Variants in MYO18A observed in about 807,000 individuals in gnomAD.
The protein encoded by MYO18A is unconventional myosin-XVIIIa.
Under a neutral mutation model 235.8 loss-of-function variants are expected in MYO18A, and 78 were observed. The ratio of observed to expected loss-of-function variants is 0.33; its 90% CI spans 0.28 to 0.40. The LOEUF (loss-of-function observed/expected upper bound fraction) is 0.40. MYO18A is among the 10% of genes least tolerant of loss of function. MYO18A has a pLI of 1.00. For missense variants in MYO18A, 2,215 were observed against 2,699.3 expected (o/e 0.82, Z 3.98); for synonymous variants, 977 against 1,077.8 (o/e 0.91, Z 1.83).
chr17:29,105,614 CAGA>C (rs2066765107), intron 20 of MYO18A, among the ~76,000 whole-genome samples: 1 of 151,906 alleles, frequency 6.6e-6, no homozygotes, highest in Non-Finnish European at 1.5e-5. Flanking sequence ...TTGCAGGAGG[CAGA>C]AGAAGCTGGA....
rs2067301777 is a variant in MYO18A at position 29,125,582 on chromosome 17, C to T, written c.1000-3329G>A. The stretch of plus-strand genomic sequence containing the variant: ...CACCAAAAATAGCGACAGCAACCTT[C>T]CTTACCACCCGCCAGGCCCTGACAC... On this transcript the variant is annotated intron_variant, in intron 2 of 41. Transcript: ENST00000527372. This position sits in a 1 kb window ranked among gnomAD's most constrained non-coding sequence, Gnocchi z 5.1. 6.6e-6 allele frequency among the ~76,000 whole-genome samples: 1 copy of T among 152,244 alleles called. No individual in the cohort carries two copies. Among genetic ancestry groups the T allele is most frequent in the Admixed American group, 6.5e-5 (1 of 15,294 alleles).
chr17:29,109,648 G>C lies in MYO18A; in HGVS notation c.3331+210C>G, dbSNP rs988357629. Among the ~76,000 whole-genome samples, 1 of 152,180 alleles carries C rather than the reference G, an allele frequency of 6.6e-6. No individual in the cohort carries two copies. The highest frequency in any genetic ancestry group is 6.5e-5 in the Admixed American group (1 of 15,278). ...GACAAAGAGAACTGAATATGGAAGG[G>C]AGAGGAGGAGGCGGGGACTCTGCAG... On this transcript the variant is annotated intron_variant, in intron 19 of 41. Coordinates refer to ENST00000527372, the MANE Select transcript of MYO18A (RefSeq NM_078471.4). This position sits in a 1 kb window ranked among gnomAD's most constrained non-coding sequence, Gnocchi z 4.1.
chr17:29,081,690 G>C (rs1016434892), intron 41 of MYO18A, among the ~76,000 whole-genome samples: 1 of 152,196 alleles, frequency 6.6e-6, no homozygotes, highest in Non-Finnish European at 1.5e-5. Flanking sequence ...ACACTGGCCA[G>C]TAGGAAAGAG....
At chr17:29,088,531 A>T (rs969146312) in intron 37 of MYO18A, among the ~76,000 whole-genome samples, 4 of 152,070 alleles carry the variant, frequency 2.6e-5, no homozygotes, top group African/African-American at 9.7e-5. Context: ...CTGATGGAGG[A>T]GGTGACAGGG....
At chr17:29,092,691 C>T (rs2066426258) in intron 33 of MYO18A, among the ~76,000 whole-genome samples, 164 bp downstream of exon 33, 1 of 152,206 alleles carries the variant, frequency 6.6e-6, no homozygotes, top group Non-Finnish European at 1.5e-5. Flanking sequence ...CAGTAAGGCA[C>T]ACGCAGAGCC....
In MYO18A at chr17:29,114,118, G is replaced by A. The variant is rs1486253941; in HGVS notation, c.2512-21C>T. The A allele has an allele frequency of 1.9e-6, 3 of 1,566,518 alleles. No homozygotes were observed. The South Asian group carries it at 3.5e-5, about 18-fold the overall frequency. On this transcript the variant is annotated intron_variant, in intron 14 of 41. Transcript: ENST00000527372. ...TTCTCCTGGGAAAGAAGGCCGAGCG[G>A]TAGTGAGCATGGGGGTCACATTGTG...
At chr17:29,153,799 A>G (rs2068005325) in intron 2 of MYO18A, among the ~76,000 whole-genome samples, 1 of 152,188 alleles carries the variant, frequency 6.6e-6, no homozygotes, top group Non-Finnish European at 1.5e-5. Context: ...TGAGAGCAGC[A>G]GTTTTGGGAT....
intron 2 of MYO18A, among the ~76,000 whole-genome samples, chr17:29,143,823 G>A (rs556352553): frequency 3.3e-5 from 5 of 152,200 alleles, no homozygotes; most frequent in South Asian, 2.1e-4. Context: ...TGAAGGGCAC[G>A]CCATCTCCAC....
chr17:29,138,302 C>G (rs923415074), intron 2 of MYO18A, among the ~76,000 whole-genome samples: 12 of 152,038 alleles, frequency 7.9e-5, no homozygotes, highest in African/African-American at 2.9e-4. Flanking sequence ...GAAGCTGAGA[C>G]GTAGCTGGTG....
chr17:29,085,522 C>A, intron 40 of MYO18A, 82 bp downstream of exon 40: 1 of 1,269,836 alleles, frequency 7.9e-7, no homozygotes, highest in Non-Finnish European at 1.1e-6. Context: ...CTGCGTGCAG[C>A]GGCCCCAGGG....
intron 30 of MYO18A, chr17:29,094,342 T>C (rs536312956): frequency 7.8e-4 from 465 of 599,034 alleles, no homozygotes; most frequent in Non-Finnish European, 1.1e-3. Flanking sequence ...CTGCAGGCTC[T>C]AGCTCCCTGA....
intron 2 of MYO18A, among the ~76,000 whole-genome samples, chr17:29,133,606 G>T (rs1277836483): frequency 6.6e-6 from 1 of 152,100 alleles, no homozygotes; most frequent in Non-Finnish European, 1.5e-5. Context: ...ATGACTCAGT[G>T]CAGGAGCCCA....
chr17:29,149,415 T>C (rs1598380124), intron 2 of MYO18A, among the ~76,000 whole-genome samples: 1 of 152,124 alleles, frequency 6.6e-6, no homozygotes. Context: ...TCAGTGGGTA[T>C]GGGACGGCGA....
intron 2 of MYO18A, among the ~76,000 whole-genome samples, chr17:29,143,402 GTT>G (rs532615100): frequency 5.8e-5 from 7 of 121,512 alleles, no homozygotes; most frequent in Admixed American, 1.7e-4. Flanking sequence ...CACCATGTAG[GTT>G]TTTTTTTTTT....
chr17:29,113,966 G>T, intron 15 of MYO18A, 45 bp downstream of exon 15: 1 of 1,457,384 alleles, frequency 6.9e-7, no homozygotes, highest in Non-Finnish European at 9.4e-7. Flanking sequence ...AGAGGGGTGG[G>T]GAACGAGAGG....
At chr17:29,124,709 A>C (rs1008062222) in intron 2 of MYO18A, 7 of 1,263,960 alleles carry the variant, frequency 5.5e-6, no homozygotes, top group Non-Finnish European at 7.2e-6. Flanking sequence ...CAAGCAAAGG[A>C]GAGAGAGAGA....
In MYO18A at chr17:29,098,104, C is replaced by T. The variant is rs1598297304; in HGVS notation, c.3990+1G>A. The T allele has an allele frequency of 6.2e-7, 1 of 1,612,918 alleles. No homozygotes were observed. The highest frequency in any genetic ancestry group is 1.1e-5 in the South Asian group (1 of 91,088). Reference sequence around the variant, plus strand: ...TGTTCTCACCCAGGCCCTGCCCTCACCTGCAGTTCCTTCATCTCCTTCTCA... The same window carrying T: ...TGTTCTCACCCAGGCCCTGCCCTCATCTGCAGTTCCTTCATCTCCTTCTCA... On this transcript the variant is annotated splice_donor_variant, in intron 25 of 41. Coordinates refer to ENST00000527372, the MANE Select transcript of MYO18A (RefSeq NM_078471.4). LOFTEE classifies it high-confidence loss of function.
Position 29,073,119 on chromosome 17 carries a change from G to A in MYO18A, c.*1651C>T, listed in dbSNP as rs577844462. 1 of 145,184 alleles carries A rather than the reference G, an allele frequency of 6.9e-6. No homozygotes were observed. Among genetic ancestry groups the A allele is most frequent in the South Asian group, 2.2e-4 (1 of 4,524 alleles). The allele number at this position is 145,184 out of a possible 1,614,324, so 9.0% of individuals were successfully genotyped here. The stretch of plus-strand genomic sequence containing the variant: ...AAAGAGAGAGAGAGAGGGAGAGAGG[G>A]AGGGACGGAAGGAGGAAGAGAAGAG... On this transcript the variant is annotated 3_prime_UTR_variant, in exon 42 of 42. Transcript: ENST00000527372.
chr17:29,173,186 G>A lies in MYO18A; in HGVS notation c.-81-6165C>T, dbSNP rs185379612. On this transcript the variant is annotated intron_variant, in intron 1 of 41. Coordinates refer to ENST00000527372, the MANE Select transcript of MYO18A (RefSeq NM_078471.4). ...TTCAGCTCACTGCAATCCGCCTCCC[G>A]GGTTCAAGCAATTCTCCTGCCTCAG... 5.3e-5 allele frequency among the ~76,000 whole-genome samples: 8 copies of A among 151,366 alleles called. No homozygotes were observed. The South Asian group carries it at 8.4e-4, about 16-fold the overall frequency.
Sources: allele counts gnomAD v4.1 joint callset (sites outside exome capture counted in the v4.1 genomes callset), GRCh38; gene constraint gnomAD v4.1.1; non-coding constraint Gnocchi (gnomAD v3.1); transcripts MANE v1.5; gene names NCBI Gene and HGNC (gene_info 2026-07-23, HGNC 2026-07-21).